The following SLC25A31 variants were observed in gnomAD, a reference collection of about 807,000 sequenced individuals.
The protein encoded by SLC25A31 is solute carrier family 25 member 31.
SLC25A31 carries 40 observed loss-of-function variants against 36.2 expected under a neutral mutation model. That is an observed-to-expected ratio of 1.10 (90% CI 0.86 to 1.44). The LOEUF is 1.44. Among genes scored for constraint, SLC25A31 ranks in the 40% most tolerant of loss-of-function variants. The pLI is 0.00. For missense variants in SLC25A31, 350 were observed against 397.1 expected (o/e 0.88, Z 1.01); for synonymous variants, 143 against 149.7 (o/e 0.96, Z 0.32).
At chr4:127,739,359 G>C (rs868293534) in intron 1 of SLC25A31, among the ~76,000 whole-genome samples, 51 of 152,226 alleles carry the variant, frequency 3.4e-4, no homozygotes, top group Middle Eastern at 6.8e-3. Context: ...ATAAAATTTA[G>C]TTTGGTGTGA....
intron 1 of SLC25A31, among the ~76,000 whole-genome samples, chr4:127,738,863 C>T (rs1731682417): frequency 6.6e-6 from 1 of 152,094 alleles, no homozygotes; most frequent in Admixed American, 6.5e-5. Flanking sequence ...ATGTGATGCA[C>T]ATCTTTGTCC....
Position 127,773,526 on chromosome 4 carries a change from A to G in SLC25A31, c.900A>G (p.Leu300=), listed in dbSNP as rs377044088. ...CAGGGGGTGCTTTGGTGTTGGTATT[A>G]TATGATAAAATTAAAGAATTCTTTC... ...RGTGGALVLV[L]YDKIKEFFHI... is the part of the protein sequence containing the mutation. Residue 300 remains leucine (L), a synonymous_variant, in exon 6 of 6, where the codon TTA becomes TTG. Transcript: ENST00000281154. 1.2e-6 allele frequency: 2 copies of G among 1,604,298 alleles called. No individual in the cohort carries two copies. The highest frequency in any genetic ancestry group is 2.2e-5 in the East Asian group (1 of 44,820).
intron 1 of SLC25A31, among the ~76,000 whole-genome samples, chr4:127,740,283 C>T (rs1444963192): frequency 1.3e-5 from 2 of 152,086 alleles, no homozygotes; most frequent in South Asian, 4.1e-4. Context: ...CTTTCCCCCT[C>T]CTCCCTTGGG....
At chr4:127,754,190 A>G (rs1731987947) in intron 2 of SLC25A31, among the ~76,000 whole-genome samples, 1 of 152,164 alleles carries the variant, frequency 6.6e-6, no homozygotes, top group East Asian at 1.9e-4. Flanking sequence ...CACAGCTAAC[A>G]TTATATACAA....
chr4:127,749,521 G>A (rs370616943), intron 2 of SLC25A31, among the ~76,000 whole-genome samples: 13 of 152,022 alleles, frequency 8.6e-5, no homozygotes, highest in Admixed American at 2.0e-4. Flanking sequence ...CGAGCCAGGC[G>A]GATCACGAGG....
chr4:127,770,403 G>A (rs1732331423), intron 5 of SLC25A31, among the ~76,000 whole-genome samples: 2 of 152,080 alleles, frequency 1.3e-5, no homozygotes, highest in African/African-American at 4.8e-5. Context: ...GAGGCGGGTG[G>A]ATCACGAAGT....
At chr4:127,745,548 A>G (rs547129977) in intron 2 of SLC25A31, among the ~76,000 whole-genome samples, 1 of 152,132 alleles carries the variant, frequency 6.6e-6, no homozygotes, top group East Asian at 1.9e-4. Context: ...TCAGCCAACC[A>G]AGCTGTCTTA....
chr4:127,759,328 G>A (rs573936165), intron 2 of SLC25A31, among the ~76,000 whole-genome samples: 8 of 151,652 alleles, frequency 5.3e-5, no homozygotes, highest in South Asian at 2.1e-4. Flanking sequence ...TTTTGTATCC[G>A]GAAACTTTAT....
chr4:127,746,513 A>G (rs1578660011), intron 2 of SLC25A31, among the ~76,000 whole-genome samples: 1 of 151,702 alleles, frequency 6.6e-6, no homozygotes, highest in East Asian at 1.9e-4. Context: ...TGTGGTTTTG[A>G]TTTGCATTTT....
chr4:127,744,993 T>C (rs1221756927), intron 2 of SLC25A31, among the ~76,000 whole-genome samples, 194 bp downstream of exon 2: 2 of 152,202 alleles, frequency 1.3e-5, no homozygotes, highest in South Asian at 2.1e-4. Context: ...TGTTTATTGT[T>C]ACAAAAATCA....
chr4:127,737,805 AT>A (rs553075033), intron 1 of SLC25A31, among the ~76,000 whole-genome samples: 2,760 of 151,474 alleles, frequency 0.018, 49 homozygotes, highest in Middle Eastern at 0.056. Flanking sequence ...GCAGTCATCC[AT>A]TTTCAGCCTT....
intron 4 of SLC25A31, among the ~76,000 whole-genome samples, chr4:127,768,431 CT>C (rs1560641297): frequency 1.3e-5 from 2 of 151,996 alleles, no homozygotes; most frequent in Non-Finnish European, 2.9e-5. Context: ...ATTTGTTTCA[CT>C]TTTTTTCAAC....
intron 1 of SLC25A31, among the ~76,000 whole-genome samples, chr4:127,742,637 C>G (rs190098296): frequency 1.3e-3 from 197 of 152,300 alleles, no homozygotes; most frequent in African/African-American, 4.6e-3. Flanking sequence ...AGACTAAACC[C>G]TTGGCATTTT....
chr4:127,736,031 A>C (rs943771351), intron 1 of SLC25A31, among the ~76,000 whole-genome samples: 8 of 150,186 alleles, frequency 5.3e-5, no homozygotes, highest in Non-Finnish European at 1.2e-4. Context: ...CTGGGACTAC[A>C]GGCGCCCGCT....
chr4:127,749,969 G>A (rs772279561), intron 2 of SLC25A31, among the ~76,000 whole-genome samples: 12 of 152,050 alleles, frequency 7.9e-5, no homozygotes, highest in African/African-American at 1.9e-4. Context: ...AATTAATCAC[G>A]TGAGGTTATA....
rs765280848 is a variant in SLC25A31 at position 127,773,535 on chromosome 4, A to G, written c.909A>G (p.Lys303=). The G allele has an allele frequency of 8.1e-6, 13 of 1,602,700 alleles. No individual in the cohort carries two copies. The highest frequency in any genetic ancestry group is 1.7e-5 in the Admixed American group (1 of 57,240). ...GGALVLVLYD[K]IKEFFHIDIG... ...CTTTGGTGTTGGTATTATATGATAA[A>G]ATTAAAGAATTCTTTCATATTGATA... The change falls in exon 6 of 6, where the codon AAA becomes AAG. Residue 303 remains lysine, a synonymous_variant. Coordinates refer to ENST00000281154, the MANE Select transcript of SLC25A31 (RefSeq NM_031291.4).
At chr4:127,758,872 A>G (rs1732078399) in intron 2 of SLC25A31, among the ~76,000 whole-genome samples, 2 of 152,186 alleles carry the variant, frequency 1.3e-5, no homozygotes, top group Non-Finnish European at 2.9e-5. Flanking sequence ...GGGGTATTAT[A>G]GCCTTGTAGT....
At chr4:127,760,796 T>C (rs1732112187) in intron 2 of SLC25A31, among the ~76,000 whole-genome samples, 1 of 152,044 alleles carries the variant, frequency 6.6e-6, no homozygotes. Context: ...TCCCAGCACT[T>C]TGGGAGGCCG....
At chr4:127,745,070 A>G (rs1268375793) in intron 2 of SLC25A31, among the ~76,000 whole-genome samples, 1 of 152,200 alleles carries the variant, frequency 6.6e-6, no homozygotes, top group African/African-American at 2.4e-5. Flanking sequence ...ATTTCATCTT[A>G]TCACTGTTTT....
Sources: allele counts gnomAD v4.1 joint callset (sites outside exome capture counted in the v4.1 genomes callset), GRCh38; gene constraint gnomAD v4.1.1; transcripts MANE v1.5; gene names NCBI Gene and HGNC (gene_info 2026-07-23, HGNC 2026-07-21).